ZBBX: variants seen among roughly 807,000 people sequenced by gnomAD.
ZBBX encodes the protein zinc finger B-box domain containing.
A neutral mutation model predicts 108.5 loss-of-function variants in ZBBX; 101 were observed. The ratio of observed to expected loss-of-function variants is 0.93; its 90% CI spans 0.79 to 1.10. The LOEUF (loss-of-function observed/expected upper bound fraction) is 1.10. Ranked by LOEUF, ZBBX falls within the 50% of genes least tolerant of loss-of-function variation. ZBBX has a pLI of 0.00. For synonymous variants in ZBBX, 356 were observed against 323.4 expected (o/e 1.10, Z -1.08); for missense variants, 1,009 against 941.4 (o/e 1.07, Z -0.94).
the ZBBX span, among the ~76,000 whole-genome samples, chr3:167,195,747 C>T: frequency 8.6e-3 from 1,314 of 152,298 alleles, 18 homozygotes; most frequent in African/African-American, 0.03. Flanking sequence ...ACGTTTATAA[C>T]GGCCTAAAGA....
At chr3:167,369,320 A>G (rs1451459529) in intron 4 of ZBBX, among the ~76,000 whole-genome samples, 1 of 152,206 alleles carries the variant, frequency 6.6e-6, no homozygotes, top group Non-Finnish European at 1.5e-5. Flanking sequence ...TTTTACTACA[A>G]TCAAGCAGTG....
At chr3:167,192,847 T>G in the ZBBX span, among the ~76,000 whole-genome samples, 46 of 152,350 alleles carry the variant, frequency 3.0e-4, no homozygotes, top group African/African-American at 1.1e-3. Context: ...TTCATTACAT[T>G]TCTTTGGAAA....
chr3:167,256,356 G>A (rs1053933912), intron 20 of ZBBX, among the ~76,000 whole-genome samples: 2 of 151,816 alleles, frequency 1.3e-5, no homozygotes, highest in African/African-American at 4.8e-5. Flanking sequence ...ATATTTATGG[G>A]GTACATGAAA....
At chr3:167,261,272 G>T (rs952232508) in intron 20 of ZBBX, among the ~76,000 whole-genome samples, 2 of 152,110 alleles carry the variant, frequency 1.3e-5, no homozygotes, top group East Asian at 1.9e-4. Flanking sequence ...TCTTAGCTTT[G>T]GTGGTTTAAT....
At chr3:167,313,094 G>A (rs1290508700) in intron 16 of ZBBX, among the ~76,000 whole-genome samples, 1 of 152,118 alleles carries the variant, frequency 6.6e-6, no homozygotes, top group African/African-American at 2.4e-5. Context: ...GTCAGACAGT[G>A]ATTTAAAGGC....
At chr3:167,380,657 A>C (rs2108630165), upstream of ZBBX, among the ~76,000 whole-genome samples, 1 of 152,310 alleles carries the variant, frequency 6.6e-6, no homozygotes, top group African/African-American at 2.4e-5. Flanking sequence ...CAAAGCTAGC[A>C]AATGGCAGAC....
At chr3:167,239,544 T>C (rs1215839160), downstream of ZBBX, among the ~76,000 whole-genome samples, 1 of 152,150 alleles carries the variant, frequency 6.6e-6, no homozygotes, top group Non-Finnish European at 1.5e-5. Context: ...CTCCTCCTTA[T>C]GATTTTCTTA....
At chr3:167,210,933 A>G in the ZBBX span, among the ~76,000 whole-genome samples, 1 of 151,546 alleles carries the variant, frequency 6.6e-6, no homozygotes, top group East Asian at 1.9e-4. Flanking sequence ...CATCAGTATG[A>G]AAAAAAAAGA....
intron 5 of ZBBX, 130 bp downstream of exon 5, chr3:167,368,331 G>T: frequency 1.5e-6 from 1 of 672,480 alleles, no homozygotes; most frequent in Non-Finnish European, 2.4e-6. Context: ...CTTTGCTATT[G>T]CTCGTTCATC....
intron 9 of ZBBX, among the ~76,000 whole-genome samples, chr3:167,349,655 A>C (rs1020869539): frequency 5.3e-5 from 8 of 152,038 alleles, no homozygotes; most frequent in Non-Finnish European, 8.8e-5. Flanking sequence ...CCTACAGATA[A>C]TATTAAAACC....
chr3:167,372,868 C>G lies in ZBBX; in HGVS notation c.34G>C (p.Gly12Arg), dbSNP rs1432108606. 1 of 1,598,538 alleles carries G rather than the reference C, an allele frequency of 6.3e-7. No individual in the cohort carries two copies. The highest frequency in any genetic ancestry group is 1.1e-5 in the South Asian group (1 of 88,744). The change falls in exon 4 of 22, where the codon GGA becomes CGA. Residue 12 changes from glycine to arginine, a missense_variant. Transcript: ENST00000675490. ...AGCTTTACAGAATTTCCAGGTTTTC[C>G]CCATGGAAGAACTACAAAATCTTTT... ...NRKDFVVLPW[G>R]KPGNSVKLKY... is the part of the protein sequence containing the mutation.
intron 9 of ZBBX, among the ~76,000 whole-genome samples, chr3:167,338,868 G>A (rs968461629): frequency 1.3e-5 from 2 of 152,070 alleles, no homozygotes; most frequent in Non-Finnish European, 1.5e-5. Context: ...GTGATTGTTC[G>A]ATATGATTGG....
chr3:167,289,861 C>A (rs1183016210), intron 18 of ZBBX, among the ~76,000 whole-genome samples: 1 of 152,154 alleles, frequency 6.6e-6, no homozygotes, highest in African/African-American at 2.4e-5. Context: ...GCCAGCACAG[C>A]AGTCTGAGCT....
chr3:167,213,300 A>C, the ZBBX span, among the ~76,000 whole-genome samples: 1 of 152,328 alleles, frequency 6.6e-6, no homozygotes, highest in South Asian at 2.1e-4. Flanking sequence ...AATCACAATA[A>C]AGTGATACCA....
chr3:167,223,222 A>C, the ZBBX span, among the ~76,000 whole-genome samples: 1 of 151,496 alleles, frequency 6.6e-6, no homozygotes, highest in African/African-American at 2.4e-5. Context: ...CCCCATACCG[A>C]TTTCTGGCCT....
chr3:167,320,320 G>A (rs1172995035), intron 12 of ZBBX, among the ~76,000 whole-genome samples: 1 of 148,222 alleles, frequency 6.7e-6, no homozygotes, highest in Non-Finnish European at 1.5e-5. Flanking sequence ...CAATGGCCAA[G>A]GCAGAAATAA....
chr3:167,222,205 A>G, the ZBBX span, among the ~76,000 whole-genome samples: 1 of 114,148 alleles, frequency 8.8e-6, no homozygotes, highest in Non-Finnish European at 1.8e-5. Flanking sequence ...CATATACATA[A>G]TGGAGTACTA....
chr3:167,311,243 G>A (rs1478614283), intron 16 of ZBBX, among the ~76,000 whole-genome samples: 1 of 152,026 alleles, frequency 6.6e-6, no homozygotes, highest in African/African-American at 2.4e-5. Context: ...TGGAACAACT[G>A]GATATCCACA....
chr3:167,346,504 C>A (rs1044524636), intron 9 of ZBBX, among the ~76,000 whole-genome samples: 1 of 151,860 alleles, frequency 6.6e-6, no homozygotes, highest in African/African-American at 2.4e-5. Context: ...TTACAACTAT[C>A]AAATTTGGCT....
Sources: gnomAD v4.1 joint callset for allele counts (sites outside exome capture counted in the v4.1 genomes callset) on GRCh38, gnomAD v4.1.1 for gene constraint, MANE v1.5 for transcripts, NCBI Gene and HGNC (gene_info 2026-07-23, HGNC 2026-07-21) for gene names.